PKDREJ: variants seen among roughly 807,000 people sequenced by gnomAD.
PKDREJ encodes PKD and REJ homolog.
For missense variants in PKDREJ, 2,507 were observed against 2,807.2 expected (o/e 0.89, Z 2.42); for synonymous variants, 1,031 against 1,095.5 (o/e 0.94, Z 1.16).
At position 46,258,922 on chromosome 22, in the gene PKDREJ, A is replaced by T. The variant is rs761779640; in HGVS notation, c.4401T>A (p.His1467Gln). The change falls in exon 1 of 1, where the codon CAT becomes CAA. Residue 1467 changes from histidine to glutamine, a missense_variant. Coordinates refer to ENST00000253255, the MANE Select transcript of PKDREJ (RefSeq NM_006071.2). The surrounding 1 kb of genome is among the most constrained non-coding windows in gnomAD (Gnocchi z 6.1). ...GCTCACTTGCTTCTGACATTAGAGG[A>T]TGCTTTTGAGGAGATACCTCCTTTA... ...ADLKEVSPQKHPLMSEASEHW... is the reference protein window; with the variant it reads ...ADLKEVSPQKQPLMSEASEHW... 1 of 1,614,048 alleles carries T rather than the reference A, an allele frequency of 6.2e-7. No homozygotes were observed. Among genetic ancestry groups the T allele is most frequent in the Non-Finnish European group, 8.5e-7 (1 of 1,180,038 alleles).
At position 46,260,734 on chromosome 22, in the gene PKDREJ, GACAT is replaced by G. The variant is rs1936687372; in HGVS notation, c.2585_2588del (p.Tyr862SerfsTer29). On this transcript the variant is annotated frameshift_variant, in exon 1 of 1. Transcript: ENST00000253255. LOFTEE classifies it low-confidence loss of function (END_TRUNC). The surrounding 1 kb of genome is among the most constrained non-coding windows in gnomAD (Gnocchi z 4.5). ...TGATACCCCACTTTTCAACTTTCTTGACATACATGTTGAAATTGGGGGTTCTCAT... is the reference window on the plus strand; with the variant it reads ...TGATACCCCACTTTTCAACTTTCTTGACATGTTGAAATTGGGGGTTCTCAT... The G allele has an allele frequency of 1.2e-6, 2 of 1,614,104 alleles. No homozygotes were observed. The highest frequency in any genetic ancestry group is 8.5e-7 in the Non-Finnish European group (1 of 1,179,996).
rs1936632632 is a variant in PKDREJ, at chr22:46,256,492, A to G, written c.*69T>C. On this transcript the variant is annotated 3_prime_UTR_variant, in exon 1 of 1. Coordinates refer to ENST00000253255, the MANE Select transcript of PKDREJ (RefSeq NM_006071.2). This position sits in a 1 kb window ranked among gnomAD's most constrained non-coding sequence, Gnocchi z 5.3. The stretch of plus-strand genomic sequence containing the variant: ...CATGACTAGGCCACTGACACTCCCT[A>G]ATCCCCTTAATCCCACAGACTCAGC... 6.5e-7 allele frequency: 1 copy of G among 1,542,962 alleles called. No homozygotes were observed. Among genetic ancestry groups the G allele is most frequent in the African/African-American group, 1.4e-5 (1 of 73,246 alleles).
Position 46,259,367 on chromosome 22 carries a change from A to G in PKDREJ, c.3956T>C (p.Leu1319Pro), listed in dbSNP as rs1936669308. The G allele has an allele frequency of 6.2e-7, 1 of 1,614,098 alleles. No homozygotes were observed. The highest frequency in any genetic ancestry group is 8.5e-7 in the Non-Finnish European group (1 of 1,180,042). The part of the protein sequence containing the change: ...WYLSRIKVEN[L>P]FSRHIWLFIC... ...GAACAGCCAAATGTGCCTGCTAAAC[A>G]GATTTTCCACTTTGATTCTACTTAA... The change falls in exon 1 of 1, where the codon CTG becomes CCG. Residue 1319 changes from leucine (L) to proline (P), a missense_variant. Physicochemically the swap from Leu to Pro is moderately conservative, Grantham distance 98. Coordinates refer to ENST00000253255, the MANE Select transcript of PKDREJ (RefSeq NM_006071.2). This position sits in a 1 kb window ranked among gnomAD's most constrained non-coding sequence, Gnocchi z 6.8.
In PKDREJ at chr22:46,262,123, G is replaced by A; in HGVS notation, c.1200C>T (p.His400=). The part of the protein sequence containing the change: ...RIILGSKEVC[H]PEQANLKWPW... ...GCCATTTCAGATTGGCCTGCTCGGG[G>A]TGACAGACTTCCTTGCTCCCCAGGA... Residue 400 remains histidine (H), a synonymous_variant, in exon 1 of 1, where the codon CAC becomes CAT. Coordinates refer to ENST00000253255, the MANE Select transcript of PKDREJ (RefSeq NM_006071.2). This position sits in a 1 kb window ranked among gnomAD's most constrained non-coding sequence, Gnocchi z 8.1. 2 of 1,614,200 alleles carry A rather than the reference G, an allele frequency of 1.2e-6. No homozygotes were observed. The highest frequency in any genetic ancestry group is 1.1e-5 in the South Asian group (1 of 91,084).
chr22:46,263,274 T>C lies in PKDREJ; in HGVS notation c.49A>G (p.Ser17Gly). ...GGCGGCAGCGGGAGGCGGCCGACGCTCAGGCTCAGGCCCACGCCCAGAAGG... is the reference window on the plus strand; with the variant it reads ...GGCGGCAGCGGGAGGCGGCCGACGCCCAGGCTCAGGCCCACGCCCAGAAGG... Reference protein sequence around the residue: ...LLLLGVGLSLSVGRLPLPPVP... With the variant: ...LLLLGVGLSLGVGRLPLPPVP... The change falls in exon 1 of 1, where the codon AGC becomes GGC. Residue 17 changes from serine (S) to glycine (G), a missense_variant. Transcript: ENST00000253255. This position sits in a 1 kb window ranked among gnomAD's most constrained non-coding sequence, Gnocchi z 9.4. The C allele has an allele frequency of 6.8e-7, 1 of 1,465,270 alleles. No individual in the cohort carries two copies. 90.8% of individuals were successfully genotyped at this position (1,465,270 alleles called of 1,614,324 possible).
Position 46,260,364 on chromosome 22 carries a change from A to C in PKDREJ, c.2959T>G (p.Phe987Val), listed in dbSNP as rs761281433. The change falls in exon 1 of 1, where the codon TTT (phenylalanine) becomes GTT (valine). Residue 987 changes from phenylalanine (F) to valine (V), a missense_variant. By Grantham distance (50) the Phe-to-Val change is conservative. Transcript: ENST00000253255. This position sits in a 1 kb window ranked among gnomAD's most constrained non-coding sequence, Gnocchi z 4.5. The part of the protein sequence containing the change: ...SLKKTTGGFS[F>V]QVDSTVLREV... Reference sequence around the variant, plus strand: ...CTAAGCACTGTGCTGTCCACTTGAAAGCTAAACCCACCTGTCGTCTTCTTC... The same window carrying C: ...CTAAGCACTGTGCTGTCCACTTGAACGCTAAACCCACCTGTCGTCTTCTTC... 1.9e-6 allele frequency: 3 copies of C among 1,614,202 alleles called. No homozygotes were observed. The highest frequency in any genetic ancestry group is 2.5e-6 in the Non-Finnish European group (3 of 1,180,038).
chr22:46,258,759 T>A lies in PKDREJ; in HGVS notation c.4564A>T (p.Arg1522Trp). ...GTCTTGATTTGTGCTTTCCTATGCCTGTGCTTGGGTTTGGAGGTTGCCTTA... is the reference window on the plus strand; with the variant it reads ...GTCTTGATTTGTGCTTTCCTATGCCAGTGCTTGGGTTTGGAGGTTGCCTTA... ...SPKATSKPKH[R>W]HRKAQIKTPE... is the part of the protein sequence containing the mutation. Residue 1522 changes from arginine to tryptophan, a missense_variant, in exon 1 of 1, where the codon AGG (arginine) becomes TGG (tryptophan). By Grantham distance (101) the Arg-to-Trp change is moderately radical. Transcript: ENST00000253255. The surrounding 1 kb of genome is among the most constrained non-coding windows in gnomAD (Gnocchi z 6.1). 3 of 1,614,210 alleles carry A rather than the reference T, an allele frequency of 1.9e-6. No homozygotes were observed. The highest frequency in any genetic ancestry group is 8.5e-7 in the Non-Finnish European group (1 of 1,180,030).
Position 46,260,802 on chromosome 22 carries a change from T to C in PKDREJ, c.2521A>G (p.Ile841Val), listed in dbSNP as rs751519379. ...FYVIESLSDT[I>V]LANKVPGNKT... The stretch of plus-strand genomic sequence containing the variant: ...TTCCCTGGCACTTTATTAGCCAGTA[T>C]TGTGTCTGATAGAGATTCTATTACA... The change falls in exon 1 of 1, where the codon ATA (isoleucine) becomes GTA (valine). Residue 841 changes from isoleucine (I) to valine (V), a missense_variant. Ile to Val is a conservative substitution (Grantham distance 29). Coordinates refer to ENST00000253255, the MANE Select transcript of PKDREJ (RefSeq NM_006071.2). This position sits in a 1 kb window ranked among gnomAD's most constrained non-coding sequence, Gnocchi z 4.5. The C allele has an allele frequency of 1.9e-6, 3 of 1,614,120 alleles. No individual in the cohort carries two copies. The highest frequency in any genetic ancestry group is 4.5e-5 in the East Asian group (2 of 44,892).
In PKDREJ at chr22:46,256,274, G is replaced by A. The variant is rs1601852284; in HGVS notation, c.*287C>T. ...TAAACTGCAGGCACCAAAGAAACAG[G>A]GTTGCCCTTGTACGGGGAGTCACAT... On this transcript the variant is annotated 3_prime_UTR_variant, in exon 1 of 1. Coordinates refer to ENST00000253255, the MANE Select transcript of PKDREJ (RefSeq NM_006071.2). This position sits in a 1 kb window ranked among gnomAD's most constrained non-coding sequence, Gnocchi z 5.3. 2.6e-6 allele frequency: 1 copy of A among 389,202 alleles called. No individual in the cohort carries two copies. The allele number at this position is 389,202 out of a possible 1,614,324, so 24.1% of individuals were successfully genotyped here.
At position 46,259,595 on chromosome 22, in the gene PKDREJ, C is replaced by T. The variant is rs755157353; in HGVS notation, c.3728G>A (p.Gly1243Glu). ...AAAGACATTGGCCCTGGTCCCAGAC[C>T]CCCAACGACTTCCTGTAAAAATAGT... ...LVTIFTGSRW[G>E]SGTRANVFVQ... Residue 1243 changes from glycine to glutamate, a missense_variant, in exon 1 of 1, where the codon GGG becomes GAG. Transcript: ENST00000253255. The surrounding 1 kb of genome is among the most constrained non-coding windows in gnomAD (Gnocchi z 6.8). The T allele has an allele frequency of 2.5e-6, 4 of 1,614,008 alleles. No homozygotes were observed. The highest frequency in any genetic ancestry group is 3.4e-6 in the Non-Finnish European group (4 of 1,180,016).
In PKDREJ at chr22:46,262,156, A is replaced by G. The variant is rs112652120; in HGVS notation, c.1167T>C (p.Asp389=). Reference sequence around the variant, plus strand: ...CTTCCTTGCTCCCCAGGATTATTCGATCCCCACCGTAGTTTCTGGGATCTG... The same window carrying G: ...CTTCCTTGCTCCCCAGGATTATTCGGTCCCCACCGTAGTTTCTGGGATCTG... ...CTTDPRNYGG[D]RIILGSKEVC... is the part of the protein sequence containing the mutation. The change falls in exon 1 of 1, where the codon GAT becomes GAC. Residue 389 remains aspartate, a synonymous_variant. Coordinates refer to ENST00000253255, the MANE Select transcript of PKDREJ (RefSeq NM_006071.2). This position sits in a 1 kb window ranked among gnomAD's most constrained non-coding sequence, Gnocchi z 8.1. The G allele has an allele frequency of 6.2e-7, 1 of 1,614,150 alleles. No homozygotes were observed.
chr22:46,259,616 A>G lies in PKDREJ; in HGVS notation c.3707T>C (p.Ile1236Thr). ...AGACCCCCAACGACTTCCTGTAAAA[A>G]TAGTCACCAAGTAGCATAAATTATC... ...PYDNLCYLVT[I>T]FTGSRWGSGT... The change falls in exon 1 of 1, where the codon ATT becomes ACT. Residue 1236 changes from isoleucine to threonine, a missense_variant. By Grantham distance (89) the Ile-to-Thr change is moderately conservative. Transcript: ENST00000253255. This position sits in a 1 kb window ranked among gnomAD's most constrained non-coding sequence, Gnocchi z 6.8. The G allele has an allele frequency of 4.3e-6, 7 of 1,614,196 alleles. No individual in the cohort carries two copies. The highest frequency in any genetic ancestry group is 5.9e-6 in the Non-Finnish European group (7 of 1,180,028).
Position 46,257,996 on chromosome 22 carries a change from A to G in PKDREJ, c.5327T>C (p.Leu1776Pro). The G allele has an allele frequency of 6.2e-7, 1 of 1,614,110 alleles. No homozygotes were observed. ...SVLLPLLHNDLNPTFLPESSS... is the reference protein window; with the variant it reads ...SVLLPLLHNDPNPTFLPESSS... ...GCTTTCAGGAAGAAATGTTGGATTC[A>G]GGTCATTGTGTAACAAAGGCAACAG... The change falls in exon 1 of 1, where the codon CTG becomes CCG. Residue 1776 changes from leucine to proline, a missense_variant. Transcript: ENST00000253255. The surrounding 1 kb of genome is among the most constrained non-coding windows in gnomAD (Gnocchi z 4.7).
In PKDREJ at chr22:46,261,712, A is replaced by G. The variant is rs749917413; in HGVS notation, c.1611T>C (p.Ile537=). ...CACTCCAACATGCTAGATACAGAGA[A>G]ATCGAAAACTCAGCTTCCAAAAAAT... is the stretch of plus-strand genomic sequence containing the variant. The part of the protein sequence containing the change: ...FRHFLEAEFS[I]SLYLACWSGV... Residue 537 remains isoleucine, a synonymous_variant, in exon 1 of 1, where the codon ATT becomes ATC. Coordinates refer to ENST00000253255, the MANE Select transcript of PKDREJ (RefSeq NM_006071.2). The surrounding 1 kb of genome is among the most constrained non-coding windows in gnomAD (Gnocchi z 7.1). The G allele has an allele frequency of 5.0e-6, 8 of 1,614,058 alleles. No individual in the cohort carries two copies. Among genetic ancestry groups the G allele is most frequent in the Non-Finnish European group, 6.8e-6 (8 of 1,180,004 alleles).
rs6007747 is a variant in PKDREJ, at chr22:46,261,364, A to G, written c.1959T>C (p.Asp653=). ...TCACCTGAGAAAAAGCTCCTAGAGA[A>G]TCATAGACCTGGGCATATATCTTCA... ...YGLKIYAQVY[D]SLGAFSQVTL... Residue 653 remains aspartate, a synonymous_variant, in exon 1 of 1, where the codon GAT becomes GAC. Transcript: ENST00000253255. This position sits in a 1 kb window ranked among gnomAD's most constrained non-coding sequence, Gnocchi z 7.1. 258,364 of 1,613,582 alleles carry G rather than the reference A, an allele frequency of 0.16. 29,641 individuals are homozygous for G. The highest frequency in any genetic ancestry group is 0.6 in the African/African-American group (45,230 of 74,842).
chr22:46,257,029 C>T lies in PKDREJ; in HGVS notation c.6294G>A (p.Val2098=), dbSNP rs1163045426. The change falls in exon 1 of 1, where the codon GTG becomes GTA. Residue 2098 remains valine, a synonymous_variant. Coordinates refer to ENST00000253255, the MANE Select transcript of PKDREJ (RefSeq NM_006071.2). This position sits in a 1 kb window ranked among gnomAD's most constrained non-coding sequence, Gnocchi z 4.7. ...GICHMAFVVS[V]YFFVYMAFGY... Reference sequence around the variant, plus strand: ...CAAAAGCCATGTATACGAAGAAATACACGGACACAACAAATGCCATGTGGC... The same window carrying T: ...CAAAAGCCATGTATACGAAGAAATATACGGACACAACAAATGCCATGTGGC... 1.9e-6 allele frequency: 3 copies of T among 1,613,874 alleles called. No individual in the cohort carries two copies. Among genetic ancestry groups the T allele is most frequent in the Non-Finnish European group, 2.5e-6 (3 of 1,180,018 alleles).
chr22:46,262,568 G>GCGGC lies in PKDREJ; in HGVS notation c.751_754dup (p.Ala252GlyfsTer46). 6.2e-7 allele frequency: 1 copy of GCGGC among 1,606,932 alleles called. No homozygotes were observed. Among genetic ancestry groups the GCGGC allele is most frequent in the East Asian group, 2.2e-5 (1 of 44,812 alleles). On this transcript the variant is annotated frameshift_variant, in exon 1 of 1. Transcript: ENST00000253255. LOFTEE classifies it low-confidence loss of function (END_TRUNC). The surrounding 1 kb of genome is among the most constrained non-coding windows in gnomAD (Gnocchi z 8.1). ...CTGCCAGTACTGGGCGATGGCGCGC[G>GCGGC]CGGCCGGGCAGTCCAGCTGCACCGA... is the stretch of plus-strand genomic sequence containing the variant.
At position 46,263,310 on chromosome 22, in the gene PKDREJ, G is replaced by T. The variant is rs1936722318; in HGVS notation, c.13C>A (p.Pro5Thr). 1 of 1,422,242 alleles carries T rather than the reference G, an allele frequency of 7.0e-7. No individual in the cohort carries two copies. The highest frequency in any genetic ancestry group is 3.0e-5 in the East Asian group (1 of 32,826). 88.1% of individuals were successfully genotyped at this position (1,422,242 alleles called of 1,614,324 possible). MRPG[P>T]ALLLLGVGLS... ...CCCACGCCCAGAAGGAGGAGAGCGG[G>T]CCCAGGCCTCATGGCGCCGGCCCAG... is the stretch of plus-strand genomic sequence containing the variant. Residue 5 changes from proline (P) to threonine (T), a missense_variant, in exon 1 of 1, where the codon CCC becomes ACC. Transcript: ENST00000253255. This position sits in a 1 kb window ranked among gnomAD's most constrained non-coding sequence, Gnocchi z 9.4.
chr22:46,260,955 C>G lies in PKDREJ; in HGVS notation c.2368G>C (p.Glu790Gln). ...AAGCGTTTATCTTTTTGCTGATACT[C>G]TTGTAGGGCTTGATTTGCTTGCCAT... ...RVWQANQALQ[E>Q]YQQKDKRFRS... The change falls in exon 1 of 1, where the codon GAG (glutamate) becomes CAG (glutamine). Residue 790 changes from glutamate to glutamine, a missense_variant. Physicochemically the swap from Glu to Gln is conservative, Grantham distance 29 (BLOSUM62 2). Transcript: ENST00000253255. This position sits in a 1 kb window ranked among gnomAD's most constrained non-coding sequence, Gnocchi z 4.5. The G allele has an allele frequency of 6.2e-7, 1 of 1,614,172 alleles. No individual in the cohort carries two copies. The highest frequency in any genetic ancestry group is 2.2e-5 in the East Asian group (1 of 44,888).
Sources: gnomAD v4.1 joint callset for allele counts on GRCh38, gnomAD v4.1.1 for gene constraint, Gnocchi (gnomAD v3.1) non-coding constraint, MANE v1.5 for transcripts, NCBI Gene and HGNC (gene_info 2026-07-23, HGNC 2026-07-21) for gene names.